Variants in KLHL1 observed in about 807,000 individuals in gnomAD.
KLHL1 encodes kelch like family member 1.
KLHL1 carries 47 observed loss-of-function variants against 77.7 expected under a neutral mutation model. The ratio of observed to expected loss-of-function variants is 0.60; its 90% CI spans 0.48 to 0.77. The LOEUF is 0.77. KLHL1 is among the 30% of genes least tolerant of loss of function. The probability of loss-of-function intolerance (pLI) is 0.00; values close to 1 mark genes in which losing one functional copy is unlikely to be tolerated. For synonymous variants in KLHL1, 360 were observed against 325.2 expected (o/e 1.11, Z -1.15); for missense variants, 925 against 910.8 (o/e 1.02, Z -0.20).
chr13:69,867,001 A>T (rs1327106165), intron 5 of KLHL1, among the ~76,000 whole-genome samples: 1 of 152,140 alleles, frequency 6.6e-6, no homozygotes, highest in Non-Finnish European at 1.5e-5. Context: ...AATATTGGAC[A>T]ATATTAACTC....
intron 1 of KLHL1, among the ~76,000 whole-genome samples, chr13:70,079,211 G>A (rs1428881666): frequency 6.6e-6 from 1 of 152,056 alleles, no homozygotes; most frequent in Admixed American, 6.6e-5. Context: ...CAGATCCATG[G>A]TAGTTATACC....
At chr13:69,939,911 C>CA (rs1014493821) in intron 4 of KLHL1, 129 bp downstream of exon 4, 2 of 604,866 alleles carry the variant, frequency 3.3e-6, no homozygotes, top group Non-Finnish European at 2.7e-6. Flanking sequence ...TAGTTCATAA[C>CA]AAAAAAATGT....
intron 7 of KLHL1, among the ~76,000 whole-genome samples, chr13:69,785,435 T>A (rs2138014755): frequency 6.6e-6 from 1 of 152,008 alleles, no homozygotes; most frequent in African/African-American, 2.4e-5. Context: ...AAGGCAGAAA[T>A]AAAGATGTTC....
intron 1 of KLHL1, among the ~76,000 whole-genome samples, chr13:70,087,945 T>C (rs912635766): frequency 2.0e-5 from 3 of 152,002 alleles, no homozygotes; most frequent in Non-Finnish European, 4.4e-5. Context: ...AGGGAGAGCA[T>C]CATGATAAAT....
At chr13:70,003,980 G>A (rs1192210956) in intron 1 of KLHL1, among the ~76,000 whole-genome samples, 1 of 151,764 alleles carries the variant, frequency 6.6e-6, no homozygotes, top group Non-Finnish European at 1.5e-5. Flanking sequence ...GAAGGTCAAT[G>A]TATATTTGTA....
At chr13:69,923,774 T>C (rs1430407973) in intron 4 of KLHL1, among the ~76,000 whole-genome samples, 2 of 152,054 alleles carry the variant, frequency 1.3e-5, no homozygotes, top group East Asian at 3.9e-4. Flanking sequence ...AGGGCTACAT[T>C]TGCCATGGAA....
chr13:69,823,436 T>C (rs1878419052), intron 6 of KLHL1, among the ~76,000 whole-genome samples: 1 of 152,028 alleles, frequency 6.6e-6, no homozygotes, highest in Admixed American at 6.6e-5. Context: ...AAAGTCTATA[T>C]ATAAGCCAAA....
At chr13:69,799,028 G>T (rs1877257009) in intron 6 of KLHL1, among the ~76,000 whole-genome samples, 1 of 152,054 alleles carries the variant, frequency 6.6e-6, no homozygotes, top group Admixed American at 6.5e-5. Flanking sequence ...GGCAGAGGTT[G>T]CAGTGAGCTG....
intron 1 of KLHL1, among the ~76,000 whole-genome samples, chr13:70,068,001 G>T (rs1358951072): frequency 6.6e-6 from 1 of 150,784 alleles, no homozygotes; most frequent in African/African-American, 2.4e-5. Context: ...ATGTTTATTT[G>T]ATCACGGTAA....
At chr13:69,805,662 G>A (rs1461333144) in intron 6 of KLHL1, among the ~76,000 whole-genome samples, 1 of 150,052 alleles carries the variant, frequency 6.7e-6, no homozygotes, top group African/African-American at 2.4e-5. Context: ...AAATTAGCAA[G>A]GTCAGTACCA....
At chr13:69,847,467 C>A (rs1381353329) in intron 5 of KLHL1, among the ~76,000 whole-genome samples, 3 of 150,498 alleles carry the variant, frequency 2.0e-5, no homozygotes, top group African/African-American at 7.3e-5. Context: ...GTACCAAGCG[C>A]AGCAATCACA....
intron 1 of KLHL1, among the ~76,000 whole-genome samples, chr13:69,983,958 C>G (rs1884792573): frequency 6.6e-6 from 1 of 151,926 alleles, no homozygotes; most frequent in Non-Finnish European, 1.5e-5. Flanking sequence ...TATTCACATG[C>G]AGAAGAGTGA....
At chr13:69,764,511 G>T (rs1324681885) in intron 7 of KLHL1, among the ~76,000 whole-genome samples, 1 of 150,434 alleles carries the variant, frequency 6.6e-6, no homozygotes, top group East Asian at 2.0e-4. Flanking sequence ...AATGAATAAA[G>T]TCCTAAATTC....
At chr13:69,861,376 A>C (rs1880152004) in intron 5 of KLHL1, among the ~76,000 whole-genome samples, 1 of 152,048 alleles carries the variant, frequency 6.6e-6, no homozygotes, top group African/African-American at 2.4e-5. Flanking sequence ...TAGTATTTCA[A>C]ATCACCTCAA....
intron 1 of KLHL1, among the ~76,000 whole-genome samples, chr13:69,996,910 A>ATTTTTTTTTTTTTTTTTTTT (rs10549532): frequency 7.0e-5 from 5 of 71,238 alleles, no homozygotes; most frequent in African/African-American, 2.3e-4. Context: ...TATTCATTAA[A>ATTTTTTTTTTTTTTTTTTTT]TTTTTTTTTT....
chr13:69,880,997 A>C (rs1308755759), intron 5 of KLHL1, among the ~76,000 whole-genome samples: 2 of 152,176 alleles, frequency 1.3e-5, no homozygotes, highest in Non-Finnish European at 2.9e-5. Context: ...ACTCTAATAG[A>C]TACTACCTGG....
At chr13:69,989,473 A>ATTTT (rs1354297610) in intron 1 of KLHL1, among the ~76,000 whole-genome samples, 4 of 151,904 alleles carry the variant, frequency 2.6e-5, no homozygotes, top group Non-Finnish European at 5.9e-5. Context: ...GAATTTGAGA[A>ATTTT]TTAGTTTTTT....
intron 1 of KLHL1, among the ~76,000 whole-genome samples, chr13:70,104,491 G>T (rs1000306908): frequency 1.2e-4 from 19 of 152,188 alleles, no homozygotes; most frequent in African/African-American, 4.6e-4. Context: ...TTACTCAACT[G>T]AGCTAGTCAT....
At chr13:69,919,445 G>T (rs940163150) in intron 4 of KLHL1, among the ~76,000 whole-genome samples, 1 of 152,084 alleles carries the variant, frequency 6.6e-6, no homozygotes, top group Non-Finnish European at 1.5e-5. Flanking sequence ...TAAACTGGAT[G>T]CTTAGATATT....
Sources: allele counts gnomAD v4.1 joint callset (sites outside exome capture counted in the v4.1 genomes callset), GRCh38; gene constraint gnomAD v4.1.1; transcripts MANE v1.5; gene names NCBI Gene and HGNC (gene_info 2026-07-23, HGNC 2026-07-21).